Variants in RFTN1 observed in about 807,000 individuals in gnomAD.
RFTN1 encodes raftlin, lipid raft linker 1, also known as raftlin.
In RFTN1, 26 loss-of-function variants were observed where a neutral mutation model predicts 46.5. That is an observed-to-expected ratio of 0.56 (90% CI 0.41 to 0.78). The LOEUF (loss-of-function observed/expected upper bound fraction) is 0.78. RFTN1 is among the 30% of genes least tolerant of loss of function. The probability of loss-of-function intolerance (pLI) is 0.00; values close to 1 mark genes in which losing one functional copy is unlikely to be tolerated. For missense variants in RFTN1, 693 were observed against 718.7 expected (o/e 0.96, Z 0.41); for synonymous variants, 261 against 284.2 (o/e 0.92, Z 0.82).
intron 4 of RFTN1, among the ~76,000 whole-genome samples, chr3:16,391,153 C>G (rs73041473): frequency 3.3e-5 from 5 of 152,168 alleles, no homozygotes; most frequent in Non-Finnish European, 5.9e-5. Flanking sequence ...ATCTACACTA[C>G]GAATCTCCCC....
intron 4 of RFTN1, among the ~76,000 whole-genome samples, chr3:16,404,389 T>TATATA (rs2074797803): frequency 1.5e-5 from 1 of 66,022 alleles, no homozygotes; most frequent in Non-Finnish European, 2.7e-5. Flanking sequence ...TAATATATAA[T>TATATA]ATATATACAA....
At position 16,345,340 on chromosome 3, in the gene RFTN1, C is replaced by G. The variant is rs2071581636; in HGVS notation, c.1146+12592G>C. The stretch of plus-strand genomic sequence containing the variant: ...AGAATTATCTCCCACTTTTTTATCT[C>G]AAACACATTGGGAAAACCTAAAGAT... On this transcript the variant is annotated intron_variant, in intron 7 of 9. Coordinates refer to ENST00000334133, the MANE Select transcript of RFTN1 (RefSeq NM_015150.2). The surrounding 1 kb of genome is among the most constrained non-coding windows in gnomAD (Gnocchi z 5.2). The G allele has an allele frequency of 6.7e-6, 1 of 150,298 alleles. No individual in the cohort carries two copies. Among genetic ancestry groups the G allele is most frequent in the Non-Finnish European group, 1.5e-5 (1 of 67,930 alleles). The allele number at this position is 150,298 out of a possible 1,614,324, so 9.3% of individuals were successfully genotyped here.
Position 16,440,645 on chromosome 3 carries a change from G to A in RFTN1, c.146-6608C>T, listed in dbSNP as rs777051539. Among the ~76,000 whole-genome samples the A allele has an allele frequency of 3.9e-5, 6 of 152,060 alleles. No individual in the cohort carries two copies. The highest frequency in any genetic ancestry group is 1.9e-4 in the East Asian group (1 of 5,186). On this transcript the variant is annotated intron_variant, in intron 2 of 9. Transcript: ENST00000334133. The surrounding 1 kb of genome is among the most constrained non-coding windows in gnomAD (Gnocchi z 4.6). Reference sequence around the variant, plus strand: ...AGCCAGGGGGACAGCAATGAACACCGAGGCCCCATCTTGCCCAAGGGGACA... The same window carrying A: ...AGCCAGGGGGACAGCAATGAACACCAAGGCCCCATCTTGCCCAAGGGGACA...
rs1575215717 is a variant in RFTN1 at position 16,317,746 on chromosome 3, C to T, written c.1333-514G>A. On this transcript the variant is annotated intron_variant, in intron 9 of 9. Coordinates refer to ENST00000334133, the MANE Select transcript of RFTN1 (RefSeq NM_015150.2). The surrounding 1 kb of genome is among the most constrained non-coding windows in gnomAD (Gnocchi z 4.3). Reference sequence around the variant, plus strand: ...GTACCGCTCAGATCCCCCCACAGGACTGGCGGGCCCGCTCCCCAGCTAGGC... The same window carrying T: ...GTACCGCTCAGATCCCCCCACAGGATTGGCGGGCCCGCTCCCCAGCTAGGC... 6.8e-6 allele frequency among the ~76,000 whole-genome samples: 1 copy of T among 147,666 alleles called. No individual in the cohort carries two copies.
At position 16,377,720 on chromosome 3, in the gene RFTN1, C is replaced by T. The variant is rs753544914; in HGVS notation, c.824G>A (p.Gly275Glu). The stretch of plus-strand genomic sequence containing the variant: ...ACTCCCATTGCTGACATACTTACTC[C>T]CTGAGAGTGGCTCTTCATGCACCTC... ...PLEVHEEPLSGKMEIFTLFNK... is the reference protein window; with the variant it reads ...PLEVHEEPLSEKMEIFTLFNK... The change falls in exon 5 of 10, where the codon GGG (glycine) becomes GAG (glutamate). Residue 275 changes from glycine to glutamate, a missense_variant and splice_region_variant. Gly to Glu is a moderately conservative substitution (Grantham distance 98, BLOSUM62 -2). Coordinates refer to ENST00000334133, the MANE Select transcript of RFTN1 (RefSeq NM_015150.2). The T allele has an allele frequency of 1.1e-5, 18 of 1,588,216 alleles. No individual in the cohort carries two copies. Among genetic ancestry groups the T allele is most frequent in the Admixed American group, 3.4e-5 (2 of 59,012 alleles).
At chr3:16,403,874 TTATA>T (rs1182581804) in intron 4 of RFTN1, among the ~76,000 whole-genome samples, 2 of 1,972 alleles carry the variant, frequency 1.0e-3, no homozygotes, top group Non-Finnish European at 1.2e-3. Flanking sequence ...TATATTATAT[TTATA>T]TATATATATA....
rs35848042 is a variant in RFTN1 at position 16,507,599 on chromosome 3, A to AACACACACACAC, written c.-9+5831_-9+5842dup. Among the ~76,000 whole-genome samples the AACACACACACAC allele has an allele frequency of 3.5e-5, 5 of 142,634 alleles. No individual in the cohort carries two copies. The highest frequency in any genetic ancestry group is 1.3e-4 in the African/African-American group (5 of 38,268). The allele number at this position is 142,634 out of a possible 152,430, so 93.6% of individuals were successfully genotyped here. ...TAAAAGGCAAAGTAGGGAGTTTCAA[A>AACACACACACAC]ACACACACACACACACACACACATA... On this transcript the variant is annotated intron_variant, in intron 1 of 9. Transcript: ENST00000334133. This position sits in a 1 kb window ranked among gnomAD's most constrained non-coding sequence, Gnocchi z 7.1.
Position 16,458,928 on chromosome 3 carries a change from G to T in RFTN1, c.146-24891C>A, listed in dbSNP as rs911049795. 2.0e-5 allele frequency among the ~76,000 whole-genome samples: 3 copies of T among 152,124 alleles called. No homozygotes were observed. Among genetic ancestry groups the T allele is most frequent in the African/African-American group, 4.8e-5 (2 of 41,422 alleles). ...CTAAAAGTTACAACCCAGGGCTACT[G>T]GGTTTTCCTTTCTTTTCTTTTCCTT... On this transcript the variant is annotated intron_variant, in intron 2 of 9. Transcript: ENST00000334133. The surrounding 1 kb of genome is among the most constrained non-coding windows in gnomAD (Gnocchi z 5.1).
Position 16,468,856 on chromosome 3 carries a change from C to T in RFTN1, c.145+24869G>A, listed in dbSNP as rs191184705. 4.2e-4 allele frequency among the ~76,000 whole-genome samples: 64 copies of T among 152,298 alleles called. No homozygotes were observed. The highest frequency in any genetic ancestry group is 8.5e-4 in the Non-Finnish European group (58 of 68,024). ...AAAAATGCCACATAATTAGACACAG[C>T]CAGAAAAGGGTACGTATGCTTCCCC... On this transcript the variant is annotated intron_variant, in intron 2 of 9. Coordinates refer to ENST00000334133, the MANE Select transcript of RFTN1 (RefSeq NM_015150.2). This position sits in a 1 kb window ranked among gnomAD's most constrained non-coding sequence, Gnocchi z 4.4.
rs1356404018 is a variant in RFTN1 at position 16,402,981 on chromosome 3, G to C, written c.441+6394C>G. 6.6e-6 allele frequency among the ~76,000 whole-genome samples: 1 copy of C among 152,154 alleles called. No homozygotes were observed. The highest frequency in any genetic ancestry group is 1.5e-5 in the Non-Finnish European group (1 of 68,042). On this transcript the variant is annotated intron_variant, in intron 4 of 9. Coordinates refer to ENST00000334133, the MANE Select transcript of RFTN1 (RefSeq NM_015150.2). This position sits in a 1 kb window ranked among gnomAD's most constrained non-coding sequence, Gnocchi z 4.5. Reference sequence around the variant, plus strand: ...CCAGAGCTGAGGGCCTGAAGGCAAAGGCCACCATGTCTTATCTGGACAAGG... The same window carrying C: ...CCAGAGCTGAGGGCCTGAAGGCAAACGCCACCATGTCTTATCTGGACAAGG...
In RFTN1 at chr3:16,329,116, C is replaced by A. The variant is rs1187543433; in HGVS notation, c.1147-2240G>T. Among the ~76,000 whole-genome samples, 2 of 152,198 alleles carry A rather than the reference C, an allele frequency of 1.3e-5. No individual in the cohort carries two copies. The highest frequency in any genetic ancestry group is 2.9e-5 in the Non-Finnish European group (2 of 68,052). Reference sequence around the variant, plus strand: ...GTGAATGGGTTAATGCCAACTCAGGCAAAGGGCTTGAGGCTACAAGTTCAG... The same window carrying A: ...GTGAATGGGTTAATGCCAACTCAGGAAAAGGGCTTGAGGCTACAAGTTCAG... On this transcript the variant is annotated intron_variant, in intron 7 of 9. Coordinates refer to ENST00000334133, the MANE Select transcript of RFTN1 (RefSeq NM_015150.2). The surrounding 1 kb of genome is among the most constrained non-coding windows in gnomAD (Gnocchi z 4.5).
Position 16,385,613 on chromosome 3 carries a change from A to G in RFTN1, c.442-7511T>C, listed in dbSNP as rs2074144548. Among the ~76,000 whole-genome samples the G allele has an allele frequency of 6.6e-6, 1 of 152,196 alleles. No individual in the cohort carries two copies. The highest frequency in any genetic ancestry group is 2.4e-5 in the African/African-American group (1 of 41,438). On this transcript the variant is annotated intron_variant, in intron 4 of 9. Transcript: ENST00000334133. The surrounding 1 kb of genome is among the most constrained non-coding windows in gnomAD (Gnocchi z 5.0). ...ATACTAATATTCATTTATTCATTCC[A>G]TAACTACTTACTGAATACCAATTGG...
In RFTN1 at chr3:16,425,063, C is replaced by A. The variant is rs2075264045; in HGVS notation, c.332+8788G>T. Reference sequence around the variant, plus strand: ...CCACAAAGATTTAAAGTAAGACAATCTGAGTTCCTATATTTAATATGAGAC... The same window carrying A: ...CCACAAAGATTTAAAGTAAGACAATATGAGTTCCTATATTTAATATGAGAC... On this transcript the variant is annotated intron_variant, in intron 3 of 9. Coordinates refer to ENST00000334133, the MANE Select transcript of RFTN1 (RefSeq NM_015150.2). This position sits in a 1 kb window ranked among gnomAD's most constrained non-coding sequence, Gnocchi z 4.3. Among the ~76,000 whole-genome samples, 1 of 152,202 alleles carries A rather than the reference C, an allele frequency of 6.6e-6. No homozygotes were observed. Among genetic ancestry groups the A allele is most frequent in the African/African-American group, 2.4e-5 (1 of 41,456 alleles).
Position 16,410,210 on chromosome 3 carries a change from TATAC to T in RFTN1, c.333-731_333-728del, listed in dbSNP as rs1343926527. On this transcript the variant is annotated intron_variant, in intron 3 of 9. Transcript: ENST00000334133. The surrounding 1 kb of genome is among the most constrained non-coding windows in gnomAD (Gnocchi z 4.6). ...GTTTGGTACAATACAGCTTACATGTTATACACACACACACACACACACACACACA... is the reference window on the plus strand; with the variant it reads ...GTTTGGTACAATACAGCTTACATGTTACACACACACACACACACACACACA... 2.3e-4 allele frequency among the ~76,000 whole-genome samples: 26 copies of T among 114,256 alleles called. 1 individual carries two copies. Among genetic ancestry groups the T allele is most frequent in the Non-Finnish European group, 3.5e-5 (2 of 57,274 alleles). The allele number at this position is 114,256 out of a possible 152,430, so 75.0% of individuals were successfully genotyped here.
chr3:16,359,193 G>A (rs1478384917), intron 6 of RFTN1, among the ~76,000 whole-genome samples: 1 of 152,144 alleles, frequency 6.6e-6, no homozygotes, highest in African/African-American at 2.4e-5. Flanking sequence ...TTAGAAGCAA[G>A]TGGTTTGAAG....
Position 16,338,812 on chromosome 3 carries a change from G to A in RFTN1, c.1147-11936C>T, listed in dbSNP as rs969916871. ...GATTGAAAAAAGGAGCTTTTCCAAA[G>A]TGTATAATTAAAAAGTTGTTTATTT... On this transcript the variant is annotated intron_variant, in intron 7 of 9. Transcript: ENST00000334133. The surrounding 1 kb of genome is among the most constrained non-coding windows in gnomAD (Gnocchi z 5.3). Among the ~76,000 whole-genome samples, 2 of 152,174 alleles carry A rather than the reference G, an allele frequency of 1.3e-5. No homozygotes were observed. Among genetic ancestry groups the A allele is most frequent in the African/African-American group, 4.8e-5 (2 of 41,438 alleles).
At chr3:16,339,742 C>G (rs1286412537) in intron 7 of RFTN1, 29 of 152,160 alleles carry the variant, frequency 1.9e-4, no homozygotes, top group Admixed American at 1.9e-3. Flanking sequence ...GTTTTTCTGC[C>G]CCTGCACTAG....
At position 16,345,264 on chromosome 3, in the gene RFTN1, T is replaced by TTGTG. The variant is rs10703577; in HGVS notation, c.1146+12664_1146+12667dup. ...AAACTGTAAGATAATAAGTAGGTGGTTGTGTGTGTGTGTGTGTGTGTGTGT... is the reference window on the plus strand; with the variant it reads ...AAACTGTAAGATAATAAGTAGGTGGTTGTGTGTGTGTGTGTGTGTGTGTGTGTGT... On this transcript the variant is annotated intron_variant, in intron 7 of 9. Transcript: ENST00000334133. This position sits in a 1 kb window ranked among gnomAD's most constrained non-coding sequence, Gnocchi z 5.2. 14,589 of 145,818 alleles carry TTGTG rather than the reference T, an allele frequency of 0.1. 816 individuals carry two copies. The highest frequency in any genetic ancestry group is 0.13 in the Non-Finnish European group (8,405 of 66,912). The allele number at this position is 145,818 out of a possible 1,614,324, so 9.0% of individuals were successfully genotyped here.
At chr3:16,393,531 G>C (rs780883727) in intron 4 of RFTN1, among the ~76,000 whole-genome samples, 4 of 152,090 alleles carry the variant, frequency 2.6e-5, no homozygotes, top group Non-Finnish European at 5.9e-5. Context: ...ATTTACATAC[G>C]TTCAAGATCT....
Sources: allele counts gnomAD v4.1 joint callset (sites outside exome capture counted in the v4.1 genomes callset), GRCh38; gene constraint gnomAD v4.1.1; non-coding constraint Gnocchi (gnomAD v3.1); transcripts MANE v1.5; gene names NCBI Gene and HGNC (gene_info 2026-07-23, HGNC 2026-07-21).